The following NEK9 variants were observed in gnomAD, a reference collection of about 807,000 sequenced individuals.
NEK9 encodes NIMA related kinase 9.
A neutral mutation model predicts 123.4 loss-of-function variants in NEK9; 75 were observed. The observed-to-expected ratio is 0.61, with a 90% confidence interval of 0.50 to 0.74. The LOEUF is 0.74. Among genes scored for constraint, NEK9 ranks in the 30% least tolerant of loss-of-function variants. NEK9 has a pLI of 0.00. For missense variants in NEK9, 952 were observed against 1,214.4 expected (o/e 0.78, Z 3.21); for synonymous variants, 438 against 458.7 (o/e 0.95, Z 0.58).
At chr14:75,105,857 A>T (rs1465860946) in intron 13 of NEK9, 93 bp downstream of exon 13, 3 of 985,924 alleles carry the variant, frequency 3.0e-6, no homozygotes, top group Non-Finnish European at 4.7e-6. Flanking sequence ...GGAAATAAAT[A>T]CCTTGATACA....
intron 8 of NEK9, among the ~76,000 whole-genome samples, chr14:75,112,288 G>A (rs1378304974): frequency 1.3e-5 from 2 of 152,224 alleles, no homozygotes; most frequent in Non-Finnish European, 1.5e-5. Flanking sequence ...CAAAAATAGT[G>A]TAATAGGATG....
chr14:75,111,453 C>CTA (rs1471521959), intron 8 of NEK9, among the ~76,000 whole-genome samples: 20 of 152,162 alleles, frequency 1.3e-4, no homozygotes, highest in African/African-American at 4.6e-4. Context: ...TTTGTTTATG[C>CTA]TATATTCTCT....
chr14:75,099,896 C>T (rs1457212062), intron 16 of NEK9, among the ~76,000 whole-genome samples: 8 of 150,972 alleles, frequency 5.3e-5, no homozygotes, highest in South Asian at 2.1e-4. Flanking sequence ...TCTGGCAGGC[C>T]GAGGTGGGCA....
At chr14:75,112,827 C>T (rs1895000898) in intron 8 of NEK9, among the ~76,000 whole-genome samples, 1 of 151,972 alleles carries the variant, frequency 6.6e-6, no homozygotes, top group Admixed American at 6.6e-5. Flanking sequence ...TCTCAGAAAA[C>T]AAACAAAAAA....
rs780549457 is a variant in NEK9, at chr14:75,109,730, G to A, written c.1137C>T (p.Thr379=). The change falls in exon 10 of 22, where the codon ACC becomes ACT. Residue 379 remains threonine, a synonymous_variant. Transcript: ENST00000238616. ...CSARQVCAGN[T]HFAVVTVEKE... ...TCTCCACTGTGACCACAGCAAAGTG[G>A]GTATTCCCTGCACAGACCTGCCGGG... 2 of 1,613,972 alleles carry A rather than the reference G, an allele frequency of 1.2e-6. No individual in the cohort carries two copies. The highest frequency in any genetic ancestry group is 1.7e-6 in the Non-Finnish European group (2 of 1,179,976).
Position 75,082,975 on chromosome 14 carries a change from A to G in NEK9, c.*1589T>C, listed in dbSNP as rs914528432. On this transcript the variant is annotated 3_prime_UTR_variant, in exon 22 of 22. Transcript: ENST00000238616. Reference sequence around the variant, plus strand: ...TTCCCAGAACTGAGAAAACAATGGGAACATCAAACCAAAGAAGATCCCATT... The same window carrying G: ...TTCCCAGAACTGAGAAAACAATGGGGACATCAAACCAAAGAAGATCCCATT... The G allele has an allele frequency of 1.3e-5, 5 of 398,526 alleles. No individual in the cohort carries two copies. The allele number at this position is 398,526 out of a possible 1,614,324, so 24.7% of individuals were successfully genotyped here.
intron 20 of NEK9, 24 bp from the exon 21 acceptor site, chr14:75,087,254 C>T (rs1465586974): frequency 2.5e-6 from 4 of 1,578,772 alleles, no homozygotes; most frequent in Non-Finnish European, 3.5e-6. Flanking sequence ...AAGGAGATTG[C>T]AGGAGGTTCT....
At chr14:75,118,753 T>C (rs945421250) in intron 5 of NEK9, 77 bp downstream of exon 5, 2 of 838,290 alleles carry the variant, frequency 2.4e-6, no homozygotes, top group African/African-American at 3.4e-5. Flanking sequence ...GAGAAAAGTA[T>C]GCAAGATTTA....
At chr14:75,102,906 A>C (rs1261155613) in intron 14 of NEK9, among the ~76,000 whole-genome samples, 1 of 152,196 alleles carries the variant, frequency 6.6e-6, no homozygotes, top group Non-Finnish European at 1.5e-5. Flanking sequence ...ATATGGATGA[A>C]TCTGGAAACC....
intron 18 of NEK9, among the ~76,000 whole-genome samples, chr14:75,093,667 C>T (rs554663575): frequency 1.1e-4 from 17 of 152,174 alleles, no homozygotes; most frequent in South Asian, 2.1e-4. Flanking sequence ...ATGTTGGCCA[C>T]GATACTCTCA....
At chr14:75,107,512 C>A in intron 10 of NEK9, 25 bp from the exon 11 acceptor site, 1 of 1,422,522 alleles carries the variant, frequency 7.0e-7, no homozygotes, top group African/African-American at 1.5e-5. Context: ...GGTCTTATGA[C>A]TTTTTTTTTT....
chr14:75,087,445 A>G (rs891364285), intron 20 of NEK9, among the ~76,000 whole-genome samples: 4 of 152,208 alleles, frequency 2.6e-5, no homozygotes, highest in African/African-American at 9.6e-5. Context: ...CTCAGTCCCC[A>G]TTAGGCCAAG....
At chr14:75,112,688 G>A (rs966364029) in intron 8 of NEK9, among the ~76,000 whole-genome samples, 1 of 152,206 alleles carries the variant, frequency 6.6e-6, no homozygotes, top group African/African-American at 2.4e-5. Flanking sequence ...CAGGCATGAT[G>A]GTGCACACCT....
chr14:75,090,709 C>CTAT (rs1308783715), intron 19 of NEK9, among the ~76,000 whole-genome samples: 1 of 151,812 alleles, frequency 6.6e-6, no homozygotes, highest in Admixed American at 6.6e-5. Flanking sequence ...GTAGCTGGAA[C>CTAT]TATAGGTGCA....
At chr14:75,094,324 G>A (rs1217200308) in intron 18 of NEK9, among the ~76,000 whole-genome samples, 1 of 152,196 alleles carries the variant, frequency 6.6e-6, no homozygotes, top group Non-Finnish European at 1.5e-5. Context: ...ATGTTGCCCA[G>A]GCCGGATTGC....
At chr14:75,086,117 C>CG (rs1220697545) in intron 21 of NEK9, among the ~76,000 whole-genome samples, 1 of 149,122 alleles carries the variant, frequency 6.7e-6, no homozygotes, top group Non-Finnish European at 1.5e-5. Context: ...TGAACCCGGG[C>CG]GGTGGAGGTT....
At position 75,087,150 on chromosome 14, in the gene NEK9, C is replaced by G. The variant is rs1894053559; in HGVS notation, c.2685G>C (p.Leu895=). Residue 895 remains leucine (L), a synonymous_variant, in exon 21 of 22, where the codon CTG becomes CTC. Coordinates refer to ENST00000238616, the MANE Select transcript of NEK9 (RefSeq NM_033116.6). ...CCTGCAATCTCTCAACCTCCACCTGCAGAGAGCTGCACGCACACGCAGGAG... is the reference window on the plus strand; with the variant it reads ...CCTGCAATCTCTCAACCTCCACCTGGAGAGAGCTGCACGCACACGCAGGAG... The part of the protein sequence containing the change: ...LTPPACACSS[L]QVEVERLQGL... 6.2e-7 allele frequency: 1 copy of G among 1,614,208 alleles called. No homozygotes were observed. The highest frequency in any genetic ancestry group is 8.5e-7 in the Non-Finnish European group (1 of 1,180,052).
chr14:75,115,063 G>A (rs781658259), intron 6 of NEK9, among the ~76,000 whole-genome samples: 6 of 61,558 alleles, frequency 9.7e-5, no homozygotes, highest in Non-Finnish European at 2.1e-4. Flanking sequence ...GTACACACAC[G>A]TGTGTGCACA....
intron 1 of NEK9, among the ~76,000 whole-genome samples, chr14:75,125,987 GATGTGCAT>G: frequency 6.6e-6 from 1 of 152,320 alleles, no homozygotes; most frequent in Non-Finnish European, 1.5e-5. Flanking sequence ...CTCTCCAAAG[GATGTGCAT>G]ATGTGCAAAT....
Sources: allele counts gnomAD v4.1 joint callset (sites outside exome capture counted in the v4.1 genomes callset), GRCh38; gene constraint gnomAD v4.1.1; transcripts MANE v1.5; gene names NCBI Gene and HGNC (gene_info 2026-07-23, HGNC 2026-07-21).